The following MRGPRF variants were observed in gnomAD, a reference collection of about 807,000 sequenced individuals.
The protein encoded by MRGPRF is MAS related GPR family member F.
Under a neutral mutation model 3.3 loss-of-function variants are expected in MRGPRF, and 2 were observed. That is an observed-to-expected ratio of 0.61 (90% CI 0.25 to 1.92). MRGPRF has a LOEUF of 1.92. MRGPRF is among the 40% of genes most tolerant of loss of function. The pLI, the probability that MRGPRF is intolerant of heterozygous loss-of-function variation, is 0.16. For synonymous variants in MRGPRF, 242 were observed against 222.7 expected, an observed-to-expected ratio of 1.09 and a Z score of -0.77; for missense variants, 500 against 476.0, an observed-to-expected ratio of 1.05 and a Z score of -0.47.
Position 69,005,865 on chromosome 11 carries a change from CGGG to C in MRGPRF, c.442_444del (p.Pro148del). 1 of 1,556,728 alleles carries C rather than the reference CGGG, an allele frequency of 6.4e-7. No individual in the cohort carries two copies. The highest frequency in any genetic ancestry group is 8.7e-7 in the Non-Finnish European group (1 of 1,153,130). On this transcript the variant is annotated inframe_deletion, in exon 3 of 3. Transcript: ENST00000309099. ...TTGGGCCGCCGGCGCCAGTACCAGG[CGGG>C]GAAGATGACCGAGGCGCAGCGCTCG... is the stretch of plus-strand genomic sequence containing the variant.
At chr11:69,011,710 C>G (rs1159652931) in intron 1 of MRGPRF, among the ~76,000 whole-genome samples, 1 of 152,206 alleles carries the variant, frequency 6.6e-6, no homozygotes, top group Non-Finnish European at 1.5e-5. Flanking sequence ...TCCATTGCCC[C>G]TACTCTTTTT....
rs1860473660 is a variant in MRGPRF at position 69,005,948 on chromosome 11, A to T, written c.362T>A (p.Val121Asp). ...FADYIRSVCR[V>D]LGLCMFLTGV... Reference sequence around the variant, plus strand: ...GGTAAGGAACATGCAGAGCCCCAGGACCCGGCACACGCTGCGGATGTAGTC... The same window carrying T: ...GGTAAGGAACATGCAGAGCCCCAGGTCCCGGCACACGCTGCGGATGTAGTC... The change falls in exon 3 of 3, where the codon GTC becomes GAC. Residue 121 changes from valine (V) to aspartate (D), a missense_variant. Transcript: ENST00000309099. 3.2e-6 allele frequency: 5 copies of T among 1,571,136 alleles called. No individual in the cohort carries two copies. Among genetic ancestry groups the T allele is most frequent in the Non-Finnish European group, 4.3e-6 (5 of 1,158,634 alleles).
chr11:69,008,336 C>A (rs1303011885), intron 2 of MRGPRF, among the ~76,000 whole-genome samples: 1 of 152,238 alleles, frequency 6.6e-6, no homozygotes, highest in Admixed American at 6.5e-5. Flanking sequence ...AGCATCTCCC[C>A]TCAAAGGCTG....
chr11:69,004,970 CCT>C lies in MRGPRF; in HGVS notation c.*306_*307del. 3.0e-6 allele frequency: 1 copy of C among 334,766 alleles called. No individual in the cohort carries two copies. The highest frequency in any genetic ancestry group is 5.4e-6 in the Non-Finnish European group (1 of 183,988). 20.7% of individuals were successfully genotyped at this position (334,766 alleles called of 1,614,324 possible). On this transcript the variant is annotated 3_prime_UTR_variant, in exon 3 of 3. Transcript: ENST00000309099. ...AGGTGGCTAGGCTGGGTGTTGACCT[CCT>C]CTCTTTTACCAACCAGCCTAGGGCA...
chr11:69,011,335 C>A (rs984424249), intron 1 of MRGPRF, among the ~76,000 whole-genome samples: 2 of 152,216 alleles, frequency 1.3e-5, no homozygotes, highest in African/African-American at 4.8e-5. Flanking sequence ...GCCTGGCTCC[C>A]CTCGGCCCCG....
intron 2 of MRGPRF, among the ~76,000 whole-genome samples, chr11:69,007,140 C>T (rs934219802): frequency 3.9e-5 from 6 of 152,192 alleles, no homozygotes; most frequent in South Asian, 4.1e-4. Flanking sequence ...TATGTGGCTA[C>T]GGGAACGTCC....
chr11:69,006,169 C>A lies in MRGPRF; in HGVS notation c.141G>T (p.Met47Ile). 6.2e-7 allele frequency: 1 copy of A among 1,614,052 alleles called. No homozygotes were observed. The highest frequency in any genetic ancestry group is 8.5e-7 in the Non-Finnish European group (1 of 1,180,040). ...QIAMLPPPAV[M>I]NYIFLLLCLC... is the part of the protein sequence containing the mutation. ...GGCAGAGGAGCAGGAAGATGTAGTT[C>A]ATGACGGCCGGAGGCGGCAGCATCG... Residue 47 changes from methionine to isoleucine, a missense_variant, in exon 3 of 3, where the codon ATG becomes ATT. Met to Ile is a conservative substitution (Grantham distance 10). Coordinates refer to ENST00000309099, the MANE Select transcript of MRGPRF (RefSeq NM_145015.5).
intron 2 of MRGPRF, 49 bp from the exon 3 acceptor site, chr11:69,006,310 C>G (rs781502376): frequency 6.5e-7 from 1 of 1,541,116 alleles, no homozygotes; most frequent in Non-Finnish European, 8.7e-7. Flanking sequence ...GGCCCCCACC[C>G]ACAGACCTGC....
rs766882878 is a variant in MRGPRF at position 69,005,293 on chromosome 11, C to CG, written c.1016dup (p.Asn341GlufsTer124). On this transcript the variant is annotated frameshift_variant, in exon 3 of 3. Transcript: ENST00000309099. LOFTEE classifies it high-confidence loss of function. The stretch of plus-strand genomic sequence containing the variant: ...CGCTGGAGTCTCAGGAGGCGTTCCC[C>CG]GGGGGACACTGCATCTCCATGGTGA... 30 of 1,510,954 alleles carry CG rather than the reference C, an allele frequency of 2.0e-5. No individual in the cohort carries two copies. The highest frequency in any genetic ancestry group is 4.2e-5 in the Admixed American group (2 of 47,334). The allele number at this position is 1,510,954 out of a possible 1,614,324, so 93.6% of individuals were successfully genotyped here.
At chr11:69,009,480 C>A in intron 2 of MRGPRF, 1 of 571,854 alleles carries the variant, frequency 1.7e-6, no homozygotes. Context: ...GACATCAGGG[C>A]CACCTTGGAG....
intron 1 of MRGPRF, among the ~76,000 whole-genome samples, chr11:69,011,483 T>C (rs1860596725): frequency 6.6e-6 from 1 of 152,194 alleles, no homozygotes; most frequent in Non-Finnish European, 1.5e-5. Context: ...GCCAGTGCAT[T>C]GTGATGTGTG....
intron 2 of MRGPRF, among the ~76,000 whole-genome samples, chr11:69,007,020 C>T (rs1860504904): frequency 6.6e-6 from 1 of 152,186 alleles, no homozygotes; most frequent in South Asian, 2.1e-4. Flanking sequence ...CAGAGGATAT[C>T]GTTGGGACCA....
chr11:69,006,514 G>A (rs1375358767), intron 2 of MRGPRF, among the ~76,000 whole-genome samples: 1 of 152,130 alleles, frequency 6.6e-6, no homozygotes, highest in Non-Finnish European at 1.5e-5. Context: ...TATAGGAGTA[G>A]AGGTAGCACC....
At position 69,005,172 on chromosome 11, in the gene MRGPRF, A is replaced by G; in HGVS notation, c.*106T>C. On this transcript the variant is annotated 3_prime_UTR_variant, in exon 3 of 3. Transcript: ENST00000309099. ...AAGGAGGCCCGAGGAGAGGAAACAG[A>G]TCTTTCTTCTCCTGTATGGACTCAG... The G allele has an allele frequency of 7.4e-7, 1 of 1,343,034 alleles. No homozygotes were observed. Among genetic ancestry groups the G allele is most frequent in the Non-Finnish European group, 9.8e-7 (1 of 1,018,836 alleles). 83.2% of individuals were successfully genotyped at this position (1,343,034 alleles called of 1,614,324 possible). A position where few individuals can be genotyped will look rare whatever the true frequency, so the allele number is the denominator to read the frequency against.
chr11:69,005,217 T>A lies in MRGPRF; in HGVS notation c.*61A>T, dbSNP rs779092243. 30 of 1,437,166 alleles carry A rather than the reference T, an allele frequency of 2.1e-5. No individual in the cohort carries two copies. The highest frequency in any genetic ancestry group is 2.6e-5 in the Non-Finnish European group (29 of 1,100,318). The allele number at this position is 1,437,166 out of a possible 1,614,324, so 89.0% of individuals were successfully genotyped here. A position where few individuals can be genotyped will look rare whatever the true frequency, so the allele number is the denominator to read the frequency against. On this transcript the variant is annotated 3_prime_UTR_variant, in exon 3 of 3. Coordinates refer to ENST00000309099, the MANE Select transcript of MRGPRF (RefSeq NM_145015.5). ...ACTCAGAAGCAGGTGCCCATTCCTG[T>A]CCCAAGGCGAAGGGTCTTGGAGGCC...
Position 69,006,619 on chromosome 11 carries a change from CTTTTT to C in MRGPRF, c.49-363_49-359del, listed in dbSNP as rs11326908. Among the ~76,000 whole-genome samples the C allele has an allele frequency of 2.9e-4, 31 of 107,922 alleles. No individual in the cohort carries two copies. The East Asian group carries it at 8.0e-3, about 28-fold the overall frequency. The allele number at this position is 107,922 out of a possible 152,430, so 70.8% of individuals were successfully genotyped here. On this transcript the variant is annotated intron_variant, in intron 2 of 2. Coordinates refer to ENST00000309099, the MANE Select transcript of MRGPRF (RefSeq NM_145015.5). Reference sequence around the variant, plus strand: ...GCACAAAAAACTGCAGAGCCTTTCCCTTTTTTTTTTTTTTTTTTTTTGAGACAGAG... The same window carrying C: ...GCACAAAAAACTGCAGAGCCTTTCCCTTTTTTTTTTTTTTTTGAGACAGAG...
rs1228933854 is a variant in MRGPRF at position 69,009,916 on chromosome 11, C to T, written c.-15G>A. 19 of 1,599,446 alleles carry T rather than the reference C, an allele frequency of 1.2e-5. No homozygotes were observed. The highest frequency in any genetic ancestry group is 2.7e-5 in the African/African-American group (2 of 74,762). ...TTTCCAGCCATCTCCAGGCCTGGCG[C>T]GTCTGGGCCCCTGCTGGCAGCTCAC... On this transcript the variant is annotated 5_prime_UTR_variant, in exon 2 of 3. Coordinates refer to ENST00000309099, the MANE Select transcript of MRGPRF (RefSeq NM_145015.5).
rs564413287 is a variant in MRGPRF at position 69,005,201 on chromosome 11, C to A, written c.*77G>T. On this transcript the variant is annotated 3_prime_UTR_variant, in exon 3 of 3. Coordinates refer to ENST00000309099, the MANE Select transcript of MRGPRF (RefSeq NM_145015.5). ...TTCTTCTCCTGTATGGACTCAGAAG[C>A]AGGTGCCCATTCCTGTCCCAAGGCG... is the stretch of plus-strand genomic sequence containing the variant. 145 of 1,408,600 alleles carry A rather than the reference C, an allele frequency of 1.0e-4. No homozygotes were observed. The African/African-American group carries it at 1.8e-3, about 17-fold the overall frequency. The allele number at this position is 1,408,600 out of a possible 1,614,324, so 87.3% of individuals were successfully genotyped here. A position where few individuals can be genotyped will look rare whatever the true frequency, so the allele number is the denominator to read the frequency against.
chr11:69,013,611 A>G (rs1860652790), upstream of MRGPRF, among the ~76,000 whole-genome samples: 1 of 152,056 alleles, frequency 6.6e-6, no homozygotes, highest in Admixed American at 6.5e-5. Context: ...CGTTGTTTTA[A>G]TTTACTCAGG....
Sources: allele counts gnomAD v4.1 joint callset (sites outside exome capture counted in the v4.1 genomes callset), GRCh38; gene constraint gnomAD v4.1.1; transcripts MANE v1.5; gene names NCBI Gene and HGNC (gene_info 2026-07-23, HGNC 2026-07-21).